The following ALDH1A2 variants were observed in gnomAD, a reference collection of about 807,000 sequenced individuals.
ALDH1A2 encodes the protein aldehyde dehydrogenase 1 family member A2, also known as retinal dehydrogenase 2.
Under a neutral mutation model 60.3 loss-of-function variants are expected in ALDH1A2, and 27 were observed. The ratio of observed to expected loss-of-function variants is 0.45; its 90% confidence interval spans 0.33 to 0.62. The LOEUF (loss-of-function observed/expected upper bound fraction) is 0.62. ALDH1A2 is among the 20% of genes least tolerant of loss of function. The pLI is 0.02. For missense variants in ALDH1A2, 581 were observed against 643.8 expected, an observed-to-expected ratio of 0.90 and a Z score of 1.06; for synonymous variants, 289 against 232.4, an observed-to-expected ratio of 1.24 and a Z score of -2.21.
At chr15:57,971,306 C>T (rs528434548) in intron 7 of ALDH1A2, among the ~76,000 whole-genome samples, 1 of 152,190 alleles carries the variant, frequency 6.6e-6, no homozygotes, top group Admixed American at 6.5e-5. Flanking sequence ...CCTTCCCTAC[C>T]CTCCCTACAG....
chr15:58,024,087 C>T (rs1896006894), intron 1 of ALDH1A2, among the ~76,000 whole-genome samples: 1 of 151,824 alleles, frequency 6.6e-6, no homozygotes, highest in African/African-American at 2.4e-5. Context: ...AAGCAAAATT[C>T]CATCTCAAAA....
intron 7 of ALDH1A2, chr15:57,980,049 G>A (rs985170996): frequency 9.4e-6 from 3 of 320,340 alleles, no homozygotes; most frequent in Non-Finnish European, 1.3e-5. Flanking sequence ...GGTCCATGGG[G>A]GGGCAGGATG....
At chr15:58,000,106 G>A (rs1408155227) in intron 4 of ALDH1A2, among the ~76,000 whole-genome samples, 1 of 151,818 alleles carries the variant, frequency 6.6e-6, no homozygotes. Flanking sequence ...ATGCATGCTG[G>A]GCTTAATACC....
chr15:58,015,305 T>C (rs968381481), intron 1 of ALDH1A2, among the ~76,000 whole-genome samples: 5 of 152,320 alleles, frequency 3.3e-5, no homozygotes, highest in Middle Eastern at 3.4e-3. Flanking sequence ...TTGGTAAATA[T>C]CAAATTCTAG....
At chr15:58,013,613 G>A (rs1295734956) in intron 3 of ALDH1A2, among the ~76,000 whole-genome samples, 4 of 152,064 alleles carry the variant, frequency 2.6e-5, no homozygotes, top group African/African-American at 9.7e-5. Context: ...TTAGCCAGGT[G>A]TGGTGGCACG....
chr15:57,999,014 C>T (rs1403456878), intron 4 of ALDH1A2, among the ~76,000 whole-genome samples: 1 of 152,220 alleles, frequency 6.6e-6, no homozygotes, highest in South Asian at 2.1e-4. Flanking sequence ...AAAATTAAAA[C>T]TGGACCCCTT....
intron 1 of ALDH1A2, among the ~76,000 whole-genome samples, chr15:58,025,959 G>C (rs554258037): frequency 6.6e-6 from 1 of 152,186 alleles, no homozygotes; most frequent in Non-Finnish European, 1.5e-5. Flanking sequence ...CCAGTCCCAT[G>C]AAACAAACAC....
rs759323066 is a variant in ALDH1A2, at chr15:58,013,846, T to A, written c.363+12A>T. On this transcript the variant is annotated intron_variant, in intron 3 of 12. Transcript: ENST00000249750. ...GTGGGTTAAAGACTTAATGTTTTCT[T>A]AGGTTACTTACTGCAAGAACTGCCC... 25 of 1,614,142 alleles carry A rather than the reference T, an allele frequency of 1.5e-5. No homozygotes were observed. The East Asian group carries it at 5.1e-4, about 33-fold the overall frequency.
intron 12 of ALDH1A2, among the ~76,000 whole-genome samples, chr15:57,959,598 G>T (rs1409257961): frequency 6.6e-6 from 1 of 152,148 alleles, no homozygotes; most frequent in Non-Finnish European, 1.5e-5. Context: ...TATTCTGTTG[G>T]ATGTTTGCAT....
intron 7 of ALDH1A2, among the ~76,000 whole-genome samples, chr15:57,971,653 G>A (rs1389728595): frequency 1.3e-5 from 2 of 152,110 alleles, no homozygotes; most frequent in South Asian, 2.1e-4. Context: ...CAAACTCTTG[G>A]CCTCAAGGGG....
chr15:58,037,611 T>G (rs1826850710), intron 1 of ALDH1A2, among the ~76,000 whole-genome samples: 1 of 151,750 alleles, frequency 6.6e-6, no homozygotes, highest in Non-Finnish European at 1.5e-5. Flanking sequence ...ATATTCACAT[T>G]CTTGTGCATC....
At chr15:58,034,225 GGTAAT>G (rs745583552) in intron 1 of ALDH1A2, among the ~76,000 whole-genome samples, 9 of 151,530 alleles carry the variant, frequency 5.9e-5, no homozygotes, top group Non-Finnish European at 1.2e-4. Context: ...GCATTTCAGT[GGTAAT>G]GTAAATGATA....
chr15:57,961,819 C>T (rs1259988623), intron 10 of ALDH1A2, among the ~76,000 whole-genome samples, 193 bp downstream of exon 10: 1 of 152,188 alleles, frequency 6.6e-6, no homozygotes, highest in Non-Finnish European at 1.5e-5. Context: ...GTCACCTGGC[C>T]TCCACCTAGC....
At chr15:58,038,090 G>A (rs1464564516) in intron 1 of ALDH1A2, among the ~76,000 whole-genome samples, 1 of 151,440 alleles carries the variant, frequency 6.6e-6, no homozygotes, top group African/African-American at 2.4e-5. Flanking sequence ...TAAGCTATGG[G>A]TTTCCCTGGT....
Position 58,035,704 on chromosome 15 carries a change from A to G in ALDH1A2, c.118-21423T>C, listed in dbSNP as rs182698881. On this transcript the variant is annotated intron_variant, in intron 1 of 12. Coordinates refer to ENST00000249750, the MANE Select transcript of ALDH1A2 (RefSeq NM_003888.4). ...CAGAAGTGTGTTCTTTAATTTCCAA[A>G]TATTTTTGGTTTTTCCAGCTATCTT... 1.6e-3 allele frequency among the ~76,000 whole-genome samples: 246 copies of G among 151,704 alleles called. 1 individual carries two copies. Among genetic ancestry groups the G allele is most frequent in the Admixed American group, 0.011 (160 of 15,190 alleles).
intron 1 of ALDH1A2, among the ~76,000 whole-genome samples, chr15:58,056,840 T>C (rs1266355790): frequency 6.6e-6 from 1 of 152,078 alleles, no homozygotes; most frequent in Non-Finnish European, 1.5e-5. Flanking sequence ...GAGATGCCAT[T>C]TCACACTTAC....
chr15:57,980,339 A>G (rs1894450000), intron 7 of ALDH1A2: 1 of 422,508 alleles, frequency 2.4e-6, no homozygotes, highest in Non-Finnish European at 4.8e-6. Context: ...GAACAGGTCC[A>G]TGGGGTTCAT....
chr15:57,979,653 A>C (rs1894413612), intron 7 of ALDH1A2: 1 of 188,378 alleles, frequency 5.3e-6, no homozygotes, highest in Admixed American at 5.7e-5. Context: ...AAAAGATGAA[A>C]ACACAGAAAA....
chr15:57,962,691 G>A (rs1489900735), intron 9 of ALDH1A2, among the ~76,000 whole-genome samples: 1 of 151,582 alleles, frequency 6.6e-6, no homozygotes, highest in East Asian at 1.9e-4. Context: ...AGTGAAGGAT[G>A]AGCTTCCTAG....
Sources: allele counts gnomAD v4.1 joint callset (sites outside exome capture counted in the v4.1 genomes callset), GRCh38; gene constraint gnomAD v4.1.1; transcripts MANE v1.5; gene names NCBI Gene and HGNC (gene_info 2026-07-23, HGNC 2026-07-21).